BAZ1A: variants seen among roughly 807,000 people sequenced by gnomAD.
The protein encoded by BAZ1A is bromodomain adjacent to zinc finger domain protein 1A.
BAZ1A carries 50 observed loss-of-function variants against 185.2 expected under a neutral mutation model. The ratio of observed to expected loss-of-function variants is 0.27; its 90% CI spans 0.22 to 0.34. The LOEUF (loss-of-function observed/expected upper bound fraction) is 0.34. Among genes scored for constraint, BAZ1A ranks in the 10% least tolerant of loss-of-function variants. The probability of loss-of-function intolerance (pLI) is 1.00; values close to 1 mark genes in which losing one functional copy is unlikely to be tolerated. For missense variants in BAZ1A, 1,356 were observed against 1,839.9 expected (o/e 0.74, Z 4.81); for synonymous variants, 571 against 615.6 (o/e 0.93, Z 1.07).
intron 20 of BAZ1A, among the ~76,000 whole-genome samples, chr14:34,772,285 C>CA (rs1190906569): frequency 2.0e-5 from 3 of 152,192 alleles, no homozygotes; most frequent in Non-Finnish European, 4.4e-5. Context: ...CAAACTCATT[C>CA]ACTCAAAGCC....
At chr14:34,854,526 A>G (rs1476022980) in intron 3 of BAZ1A, among the ~76,000 whole-genome samples, 2 of 152,224 alleles carry the variant, frequency 1.3e-5, no homozygotes, top group African/African-American at 4.8e-5. Flanking sequence ...AGAAAAAAAA[A>G]TTAACTACCA....
chr14:34,757,255 C>T (rs1566541583), intron 25 of BAZ1A, among the ~76,000 whole-genome samples: 1 of 150,084 alleles, frequency 6.7e-6, no homozygotes, highest in African/African-American at 2.5e-5. Context: ...ATTCCAGCTA[C>T]TCGGGAGGCT....
chr14:34,814,766 C>G (rs1334527599), intron 4 of BAZ1A, among the ~76,000 whole-genome samples: 1 of 145,784 alleles, frequency 6.9e-6, no homozygotes, highest in Non-Finnish European at 1.5e-5. Context: ...TGTGAGCCAC[C>G]GTACCAGACC....
intron 6 of BAZ1A, among the ~76,000 whole-genome samples, chr14:34,803,904 C>T (rs1881713418): frequency 6.6e-6 from 1 of 152,132 alleles, no homozygotes; most frequent in Non-Finnish European, 1.5e-5. Flanking sequence ...CTCATTCTTG[C>T]CAGAAATGGT....
chr14:34,862,846 G>C lies in BAZ1A; in HGVS notation c.114-524C>G, dbSNP rs2042791445. Among the ~76,000 whole-genome samples, 4 of 151,590 alleles carry C rather than the reference G, an allele frequency of 2.6e-5. No individual in the cohort carries two copies. The South Asian group carries it at 6.2e-4, about 24-fold the overall frequency. On this transcript the variant is annotated intron_variant, in intron 2 of 26. Coordinates refer to ENST00000360310, the MANE Select transcript of BAZ1A (RefSeq NM_013448.3). ...AATAAAAGGTACCTATAGAAGCATAGGTTTCTGGAATGTCATACAAAACTC... is the reference window on the plus strand; with the variant it reads ...AATAAAAGGTACCTATAGAAGCATACGTTTCTGGAATGTCATACAAAACTC...
chr14:34,769,139 T>C (rs954092102), intron 21 of BAZ1A, among the ~76,000 whole-genome samples: 1 of 152,166 alleles, frequency 6.6e-6, no homozygotes, highest in Non-Finnish European at 1.5e-5. Context: ...TTTCGATATA[T>C]ATTCCATCTC....
chr14:34,848,244 T>C (rs986932228), intron 3 of BAZ1A, among the ~76,000 whole-genome samples: 1 of 152,202 alleles, frequency 6.6e-6, no homozygotes, highest in African/African-American at 2.4e-5. Flanking sequence ...CTTTAATGGC[T>C]GAATAGTTAA....
At chr14:34,759,116 CA>C (rs1165071630) in intron 24 of BAZ1A, among the ~76,000 whole-genome samples, 1 of 138,284 alleles carries the variant, frequency 7.2e-6, no homozygotes, top group East Asian at 2.2e-4. Context: ...ATCTAGAACA[CA>C]AAAGTTTTTG....
intron 4 of BAZ1A, among the ~76,000 whole-genome samples, chr14:34,817,680 G>A (rs1204017979): frequency 1.3e-5 from 2 of 152,082 alleles, no homozygotes; most frequent in Non-Finnish European, 2.9e-5. Context: ...AATAGGCAAA[G>A]AACTTGAATG....
chr14:34,805,324 T>G (rs2138665232), intron 6 of BAZ1A, among the ~76,000 whole-genome samples: 1 of 152,354 alleles, frequency 6.6e-6, no homozygotes, highest in Non-Finnish European at 1.5e-5. Flanking sequence ...ATGTTTATTG[T>G]GACCTTAATT....
chr14:34,786,128 T>C lies in BAZ1A; in HGVS notation c.1604A>G (p.Gln535Arg). 6.2e-7 allele frequency: 1 copy of C among 1,600,476 alleles called. No individual in the cohort carries two copies. Among genetic ancestry groups the C allele is most frequent in the South Asian group, 1.1e-5 (1 of 87,076 alleles). ...SLAAAWPQLH[Q>R]GCSLKSLDLD... ...AAAAAAACAAAACCCACACATACCCTGGTGTAACTGTGGCCATGCAGCTGC... is the reference window on the plus strand; with the variant it reads ...AAAAAAACAAAACCCACACATACCCCGGTGTAACTGTGGCCATGCAGCTGC... The change falls in exon 13 of 27, where the codon CAG becomes CGG. Residue 535 changes from glutamine to arginine, a missense_variant and splice_region_variant. By Grantham distance (43) the Gln-to-Arg change is conservative. Coordinates refer to ENST00000360310, the MANE Select transcript of BAZ1A (RefSeq NM_013448.3).
intron 21 of BAZ1A, among the ~76,000 whole-genome samples, chr14:34,770,909 T>C (rs1048313335): frequency 3.4e-5 from 5 of 148,092 alleles, no homozygotes; most frequent in African/African-American, 1.2e-4. Context: ...TTTAAGTCAC[T>C]TATTTGGGGT....
At chr14:34,768,335 A>T (rs946581799) in intron 21 of BAZ1A, among the ~76,000 whole-genome samples, 3 of 152,136 alleles carry the variant, frequency 2.0e-5, no homozygotes, top group Admixed American at 2.0e-4. Flanking sequence ...ATGTCTCTCC[A>T]AGCTAGTAAA....
Position 34,774,481 on chromosome 14 carries a change from T to C in BAZ1A, c.2843A>G (p.Gln948Arg). 3 of 1,581,354 alleles carry C rather than the reference T, an allele frequency of 1.9e-6. No individual in the cohort carries two copies. The highest frequency in any genetic ancestry group is 2.6e-6 in the Non-Finnish European group (3 of 1,166,584). The change falls in exon 19 of 27, where the codon CAG (glutamine) becomes CGG (arginine). Residue 948 changes from glutamine to arginine, a missense_variant. Around this residue, in one of 7 missense-constraint regions of BAZ1A, gnomAD observed 434 missense variants for 561.7 expected, o/e 0.77. Transcript: ENST00000360310. ...EEKFHFSDKP[Q>R]PDSKPTYSRG... is the part of the protein sequence containing the mutation. ...ACTATATGTTGGTTTGCTATCAGGCTGAGGTTTGTCTGAAATAGTAATCAA... is the reference window on the plus strand; with the variant it reads ...ACTATATGTTGGTTTGCTATCAGGCCGAGGTTTGTCTGAAATAGTAATCAA...
chr14:34,758,271 T>C (rs570881576), intron 25 of BAZ1A, among the ~76,000 whole-genome samples: 1 of 138,588 alleles, frequency 7.2e-6, no homozygotes, highest in Admixed American at 7.2e-5. Flanking sequence ...ACAGAAACCC[T>C]GTCTCTAAAA....
intron 23 of BAZ1A, among the ~76,000 whole-genome samples, chr14:34,762,438 G>T (rs1228339229): frequency 6.6e-6 from 1 of 151,872 alleles, no homozygotes; most frequent in Non-Finnish European, 1.5e-5. Context: ...AATGCAAAGA[G>T]AATTATCTGC....
intron 21 of BAZ1A, among the ~76,000 whole-genome samples, chr14:34,766,408 T>C (rs1878842782): frequency 6.6e-6 from 1 of 152,126 alleles, no homozygotes; most frequent in Admixed American, 6.5e-5. Flanking sequence ...AGCAGAGACC[T>C]GTCAAGTACC....
At chr14:34,796,880 T>A (rs920371585) in intron 9 of BAZ1A, among the ~76,000 whole-genome samples, 3 of 152,188 alleles carry the variant, frequency 2.0e-5, no homozygotes, top group African/African-American at 7.2e-5. Flanking sequence ...TCTTATAGGA[T>A]CAAATAAGGT....
chr14:34,871,898 C>T (rs747287764), intron 2 of BAZ1A, among the ~76,000 whole-genome samples: 3 of 152,026 alleles, frequency 2.0e-5, no homozygotes, highest in African/African-American at 7.2e-5. Flanking sequence ...CAGAGGTTTC[C>T]GTCATAGTTT....
Sources: gnomAD v4.1 joint callset for allele counts (sites outside exome capture counted in the v4.1 genomes callset) on GRCh38, gnomAD v4.1.1 for gene constraint, gnomAD v4.1.1 regional missense constraint, MANE v1.5 for transcripts, NCBI Gene and HGNC (gene_info 2026-07-23, HGNC 2026-07-21) for gene names.